The following ZNF133 variants were observed in gnomAD, a reference collection of about 807,000 sequenced individuals.
The protein encoded by ZNF133 is zinc finger protein 133, also known as zinc finger protein 133 (clone pHZ-13).
Under a neutral mutation model 54.9 loss-of-function variants are expected in ZNF133, and 26 were observed. The ratio of observed to expected loss-of-function variants is 0.47; its 90% confidence interval spans 0.35 to 0.66. The LOEUF (loss-of-function observed/expected upper bound fraction) is 0.66, where lower values mean the gene tolerates loss of function less well. Ranked by LOEUF, ZNF133 falls within the 30% of genes least tolerant of loss-of-function variation. The pLI is 0.01. For missense variants in ZNF133, 653 were observed against 820.8 expected, an observed-to-expected ratio of 0.80 and a Z score of 2.50; for synonymous variants, 298 against 320.3, an observed-to-expected ratio of 0.93 and a Z score of 0.74.
In ZNF133 at chr20:18,306,392, AG is replaced by A; in HGVS notation, c.217+1del. ...EKKCSPATCP[A>X]DPEPELYLDP... is the part of the protein sequence containing the mutation. Reference sequence around the variant, plus strand: ...AAAAATGTTCACCGGCAACCTGTCCAGGTGAGTGGGAAAACACTGGACAAAT... The same window carrying A: ...AAAAATGTTCACCGGCAACCTGTCCAGTGAGTGGGAAAACACTGGACAAAT... On this transcript the variant is annotated frameshift_variant and splice_region_variant, in exon 6 of 7. Coordinates refer to ENST00000425686, the MANE Select transcript of ZNF133 (RefSeq NM_001352452.2). LOFTEE classifies it high-confidence loss of function. The A allele has an allele frequency of 6.2e-7, 1 of 1,612,766 alleles. No homozygotes were observed. Among genetic ancestry groups the A allele is most frequent in the Middle Eastern group, 1.6e-4 (1 of 6,062 alleles).
At chr20:18,294,282 AAC>A (rs1413030841) in intron 1 of ZNF133, among the ~76,000 whole-genome samples, 3 of 152,184 alleles carry the variant, frequency 2.0e-5, no homozygotes. Flanking sequence ...ACATCGGACA[AAC>A]CAAAACTGAG....
chr20:18,304,246 C>A (rs2044098722), intron 3 of ZNF133, among the ~76,000 whole-genome samples: 1 of 151,970 alleles, frequency 6.6e-6, no homozygotes, highest in Non-Finnish European at 1.5e-5. Context: ...TTAAAAAAAA[C>A]CCAAAACTAG....
In ZNF133 at chr20:18,305,553, C is replaced by A; in HGVS notation, c.-6-128C>A. On this transcript the variant is annotated intron_variant, in intron 4 of 6. Transcript: ENST00000425686. This position sits in a 1 kb window ranked among gnomAD's most constrained non-coding sequence, Gnocchi z 4.7. Reference sequence around the variant, plus strand: ...ACAGGGATTTAAAAGTCTTGGAACACATGGCACCAGGGTCACTGGGATCTT... The same window carrying A: ...ACAGGGATTTAAAAGTCTTGGAACAAATGGCACCAGGGTCACTGGGATCTT... 2 of 1,358,142 alleles carry A rather than the reference C, an allele frequency of 1.5e-6. No homozygotes were observed. The highest frequency in any genetic ancestry group is 2.0e-6 in the Non-Finnish European group (2 of 982,678). 84.1% of individuals were successfully genotyped at this position (1,358,142 alleles called of 1,614,324 possible). A position where few individuals can be genotyped will look rare whatever the true frequency, so the allele number is the denominator to read the frequency against.
chr20:18,308,836 G>A (rs940147280), intron 6 of ZNF133, among the ~76,000 whole-genome samples: 26 of 152,336 alleles, frequency 1.7e-4, no homozygotes, highest in African/African-American at 5.8e-4. Flanking sequence ...AGATGAGTAG[G>A]TGTTTTACTA....
rs1248741766 is a variant in ZNF133 at position 18,316,285 on chromosome 20, A to G, written c.1434A>G (p.Gln478=). ...ACTGTGGCCGGGGCTTCAGCCAGCAATCCAACCTCATCAGACACCAGAGGA... is the reference window on the plus strand; with the variant it reads ...ACTGTGGCCGGGGCTTCAGCCAGCAGTCCAACCTCATCAGACACCAGAGGA... ...CKDCGRGFSQ[Q]SNLIRHQRTH... Residue 478 remains glutamine (Q), a synonymous_variant, in exon 7 of 7, where the codon CAA becomes CAG. Transcript: ENST00000425686. 7 of 1,599,850 alleles carry G rather than the reference A, an allele frequency of 4.4e-6. No homozygotes were observed. Among genetic ancestry groups the G allele is most frequent in the Non-Finnish European group, 6.0e-6 (7 of 1,175,178 alleles).
intron 6 of ZNF133, chr20:18,306,682 C>T (rs375023036): frequency 7.6e-7 from 1 of 1,316,680 alleles, no homozygotes. Context: ...GGGCTTCTTT[C>T]TCTTGTTACT....
At chr20:18,294,776 C>A (rs893026310) in intron 1 of ZNF133, among the ~76,000 whole-genome samples, 1 of 152,122 alleles carries the variant, frequency 6.6e-6, no homozygotes, top group African/African-American at 2.4e-5. Context: ...AATAAAAGAT[C>A]CCCTAAAATT....
chr20:18,293,135 A>G (rs1236557507), intron 1 of ZNF133, among the ~76,000 whole-genome samples: 1 of 152,236 alleles, frequency 6.6e-6, no homozygotes, highest in Non-Finnish European at 1.5e-5. Flanking sequence ...TGACTGCTAC[A>G]CAACAAACCA....
chr20:18,315,656 C>T lies in ZNF133; in HGVS notation c.805C>T (p.Pro269Ser). ...RHQKAHSGEK[P>S]IVCRECGRGF... Reference sequence around the variant, plus strand: ...CCAGAAGGCACACTCGGGGGAGAAGCCAATTGTGTGCAGGGAGTGTGGACG... The same window carrying T: ...CCAGAAGGCACACTCGGGGGAGAAGTCAATTGTGTGCAGGGAGTGTGGACG... Residue 269 changes from proline to serine, a missense_variant, in exon 7 of 7, where the codon CCA (proline) becomes TCA (serine). Pro to Ser is a moderately conservative substitution (Grantham distance 74). Transcript: ENST00000425686. The T allele has an allele frequency of 6.2e-7, 1 of 1,614,004 alleles. No homozygotes were observed. Among genetic ancestry groups the T allele is most frequent in the Non-Finnish European group, 8.5e-7 (1 of 1,179,972 alleles).
intron 6 of ZNF133, chr20:18,310,142 G>A (rs777134514): frequency 2.4e-5 from 31 of 1,309,746 alleles, no homozygotes; most frequent in East Asian, 2.9e-5. Flanking sequence ...TTTTTGTCTC[G>A]TTTTTAATCC....
intron 3 of ZNF133, among the ~76,000 whole-genome samples, chr20:18,302,167 G>A (rs1261081816): frequency 6.6e-5 from 10 of 152,104 alleles, no homozygotes; most frequent in Non-Finnish European, 1.2e-4. Context: ...TTGGGGGGCC[G>A]AGGTTGGTGG....
At chr20:18,314,808 C>T (rs572643875) in intron 6 of ZNF133, 66 of 391,042 alleles carry the variant, frequency 1.7e-4, no homozygotes, top group African/African-American at 1.0e-3. Flanking sequence ...CTGTTCCATA[C>T]TGGCCCTATT....
chr20:18,291,388 G>A (rs1227905931), intron 1 of ZNF133, among the ~76,000 whole-genome samples: 2 of 152,168 alleles, frequency 1.3e-5, no homozygotes, highest in African/African-American at 2.4e-5. Context: ...AACATTTGAT[G>A]TAATTGTTTA....
Position 18,315,911 on chromosome 20 carries a change from A to G in ZNF133, c.1060A>G (p.Ile354Val). Residue 354 changes from isoleucine to valine, a missense_variant, in exon 7 of 7, where the codon ATC (isoleucine) becomes GTC (valine). Physicochemically the swap from Ile to Val is conservative, Grantham distance 29. Transcript: ENST00000425686. ...HQRTHLEEKT[I>V]VCSDCGLGFS... is the part of the protein sequence containing the mutation. ...GAGGACACACTTGGAGGAGAAGACC[A>G]TCGTGTGCAGTGACTGTGGCCTGGG... The G allele has an allele frequency of 6.2e-7, 1 of 1,613,684 alleles. No homozygotes were observed. The highest frequency in any genetic ancestry group is 8.5e-7 in the Non-Finnish European group (1 of 1,179,902).
chr20:18,311,625 C>T (rs2045992937), intron 6 of ZNF133, among the ~76,000 whole-genome samples: 1 of 152,008 alleles, frequency 6.6e-6, no homozygotes, highest in African/African-American at 2.4e-5. Flanking sequence ...TTAGTTTAGG[C>T]AAAAATACAA....
At chr20:18,304,238 A>T (rs1358636221) in intron 3 of ZNF133, among the ~76,000 whole-genome samples, 1 of 152,016 alleles carries the variant, frequency 6.6e-6, no homozygotes, top group Admixed American at 6.6e-5. Flanking sequence ...CTATTACTTT[A>T]AAAAAAACCC....
intron 1 of ZNF133, among the ~76,000 whole-genome samples, chr20:18,290,935 TG>T (rs2040829423): frequency 6.6e-6 from 1 of 152,178 alleles, no homozygotes; most frequent in African/African-American, 2.4e-5. Flanking sequence ...GAGACCAGCC[TG>T]GCCAACATGG....
intron 3 of ZNF133, among the ~76,000 whole-genome samples, chr20:18,302,129 G>A (rs902527217): frequency 3.9e-5 from 6 of 152,140 alleles, no homozygotes; most frequent in African/African-American, 7.2e-5. Context: ...GGCCGGGCAC[G>A]GTGGCTCATG....
At chr20:18,301,657 CTAGATGAAGTGGGCA>C (rs1200130539) in intron 3 of ZNF133, among the ~76,000 whole-genome samples, 2 of 152,100 alleles carry the variant, frequency 1.3e-5, no homozygotes, top group African/African-American at 4.8e-5. Flanking sequence ...ATCGGATGCC[CTAGATGAAGTGGGCA>C]AATTCTTAGA....
Sources: gnomAD v4.1 joint callset for allele counts (sites outside exome capture counted in the v4.1 genomes callset) on GRCh38, gnomAD v4.1.1 for gene constraint, Gnocchi (gnomAD v3.1) non-coding constraint, MANE v1.5 for transcripts, NCBI Gene and HGNC (gene_info 2026-07-23, HGNC 2026-07-21) for gene names.